SPNS2: variants seen among roughly 807,000 people sequenced by gnomAD.
SPNS2 encodes sphingosine-1-phosphate transporter SPNS2.
In SPNS2, 37 loss-of-function variants were observed where a neutral mutation model predicts 57.6. The ratio of observed to expected loss-of-function variants is 0.64; its 90% confidence interval spans 0.49 to 0.85. SPNS2 has a LOEUF of 0.85. SPNS2 is among the 40% of genes least tolerant of loss of function. The pLI is 0.00. For missense variants in SPNS2, 831 were observed against 779.1 expected (o/e 1.07, Z -0.79); for synonymous variants, 440 against 346.9 (o/e 1.27, Z -2.98).
rs902247679 is a variant in SPNS2 at position 4,511,699 on chromosome 17, C to T, written c.371-1548C>T. 6.6e-6 allele frequency among the ~76,000 whole-genome samples: 1 copy of T among 152,228 alleles called. No homozygotes were observed. Among genetic ancestry groups the T allele is most frequent in the Non-Finnish European group, 1.5e-5 (1 of 68,042 alleles). Reference sequence around the variant, plus strand: ...ATTAAGTCATTAACTGGGCCTCACACAGCCTCTTCATTACGGGTAATTATG... The same window carrying T: ...ATTAAGTCATTAACTGGGCCTCACATAGCCTCTTCATTACGGGTAATTATG... On this transcript the variant is annotated intron_variant, in intron 1 of 12. Coordinates refer to ENST00000329078, the MANE Select transcript of SPNS2 (RefSeq NM_001124758.3). This position sits in a 1 kb window ranked among gnomAD's most constrained non-coding sequence, Gnocchi z 4.6.
intron 1 of SPNS2, among the ~76,000 whole-genome samples, chr17:4,507,487 G>T (rs1052432899): frequency 1.3e-5 from 2 of 152,216 alleles, no homozygotes; most frequent in Non-Finnish European, 2.9e-5. Context: ...CACTGAATGT[G>T]GATTAACCTA....
chr17:4,503,224 G>T (rs561396606), intron 1 of SPNS2, among the ~76,000 whole-genome samples: 1 of 152,266 alleles, frequency 6.6e-6, no homozygotes, highest in Non-Finnish European at 1.5e-5. Flanking sequence ...GCCCCAGGTG[G>T]AGGTAGGGGC....
rs780176511 is a variant in SPNS2 at position 4,525,156 on chromosome 17, C to T, written c.536C>T (p.Ser179Leu). The change falls in exon 3 of 13, where the codon TCG (serine) becomes TTG (leucine). Residue 179 changes from serine (S) to leucine (L), a missense_variant. Transcript: ENST00000329078. ...VILSCGIFFW[S>L]AVTFSSSFIP... ...CTCAGCTGCGGCATTTTCTTCTGGT[C>T]GGCCGTCACCTTCTCCAGCTCCTTC... 1.9e-6 allele frequency: 3 copies of T among 1,614,044 alleles called. No homozygotes were observed. The highest frequency in any genetic ancestry group is 1.7e-5 in the Admixed American group (1 of 60,010).
intron 2 of SPNS2, among the ~76,000 whole-genome samples, chr17:4,519,887 C>A (rs111625542): frequency 3.7e-4 from 56 of 152,318 alleles, no homozygotes; most frequent in African/African-American, 1.3e-3. Context: ...ATTCTCTCAG[C>A]CCCCTCCCCG....
intron 1 of SPNS2, among the ~76,000 whole-genome samples, chr17:4,502,570 G>C (rs567197356): frequency 6.6e-6 from 1 of 152,110 alleles, no homozygotes; most frequent in African/African-American, 2.4e-5. Flanking sequence ...GCCAGAGTTC[G>C]AGCCAAGGCT....
At chr17:4,518,390 G>GGCGGGTGCCTGTAATCCCGCTAC (rs1223788925) in intron 2 of SPNS2, among the ~76,000 whole-genome samples, 1 of 152,238 alleles carries the variant, frequency 6.6e-6, no homozygotes, top group Non-Finnish European at 1.5e-5. Flanking sequence ...CGGGTGTGGT[G>GGCGGGTGCCTGTAATCCCGCTAC]GCGGGTGCCT....
At chr17:4,535,185 G>A (rs916284700) in intron 9 of SPNS2, among the ~76,000 whole-genome samples, 1 of 152,078 alleles carries the variant, frequency 6.6e-6, no homozygotes. Context: ...AGCCCCTCCT[G>A]TCTGACTCTG....
At chr17:4,523,058 C>T (rs1231967453) in intron 2 of SPNS2, among the ~76,000 whole-genome samples, 1 of 152,268 alleles carries the variant, frequency 6.6e-6, no homozygotes, top group African/African-American at 2.4e-5. Flanking sequence ...GGCCTAGGCA[C>T]TTGCTGTTCT....
chr17:4,517,551 G>A (rs1483625944), intron 2 of SPNS2, among the ~76,000 whole-genome samples: 1 of 152,152 alleles, frequency 6.6e-6, no homozygotes, highest in African/African-American at 2.4e-5. Flanking sequence ...AGCTACTCAG[G>A]AGGCTGAGGC....
chr17:4,527,088 C>G (rs1036218517), intron 3 of SPNS2, among the ~76,000 whole-genome samples: 1 of 152,186 alleles, frequency 6.6e-6, no homozygotes, highest in African/African-American at 2.4e-5. Flanking sequence ...TGGAAGGAGA[C>G]AGAAGATAAG....
chr17:4,526,619 AAAAG>A lies in SPNS2; in HGVS notation c.573+1436_573+1439del, dbSNP rs577421751. Among the ~76,000 whole-genome samples the A allele has an allele frequency of 3.4e-3, 522 of 152,144 alleles. 2 individuals are homozygous for A. Among genetic ancestry groups the A allele is most frequent in the African/African-American group, 0.012 (489 of 41,524 alleles). Reference sequence around the variant, plus strand: ...ACTCCATCTCAAAAAAAAAAAAAGAAAAAGAAAGAAAGATTGAGGATTGCATTTT... The same window carrying A: ...ACTCCATCTCAAAAAAAAAAAAAGAAAAAGAAAGATTGAGGATTGCATTTT... On this transcript the variant is annotated intron_variant, in intron 3 of 12. Transcript: ENST00000329078.
intron 2 of SPNS2, among the ~76,000 whole-genome samples, chr17:4,517,201 C>T (rs537321840): frequency 1.3e-5 from 2 of 152,318 alleles, no homozygotes; most frequent in East Asian, 3.9e-4. Flanking sequence ...GCCCCTGCTC[C>T]GTACAGGCCT....
chr17:4,514,991 C>T (rs904468626), intron 2 of SPNS2, among the ~76,000 whole-genome samples: 4 of 152,198 alleles, frequency 2.6e-5, no homozygotes, highest in Admixed American at 6.5e-5. Flanking sequence ...CTCTACCCCA[C>T]GCATCCTCCA....
intron 3 of SPNS2, among the ~76,000 whole-genome samples, chr17:4,528,689 C>T (rs960111716): frequency 2.0e-5 from 3 of 152,128 alleles, no homozygotes; most frequent in Non-Finnish European, 4.4e-5. Flanking sequence ...GTTGGCCAGG[C>T]TGGTCTCGAA....
At position 4,499,073 on chromosome 17, in the gene SPNS2, C is replaced by A. The variant is rs1904364529; in HGVS notation, c.26C>A (p.Ala9Glu). Residue 9 changes from alanine (A) to glutamate (E), a missense_variant, in exon 1 of 13, where the codon GCG becomes GAG. Ala to Glu is a moderately radical substitution (Grantham distance 107). Around this residue, in one of 2 missense-constraint regions of SPNS2, gnomAD observed 305 missense variants for 378.3 expected, o/e 0.81. Transcript: ENST00000329078. The surrounding 1 kb of genome is among the most constrained non-coding windows in gnomAD (Gnocchi z 5.2). MMCLECAS[A>E]AAGGAEEEEA... ...ATGATGTGCCTGGAATGCGCCTCGG[C>A]GGCGGCGGGCGGCGCGGAGGAGGAG... The A allele has an allele frequency of 8.8e-6, 9 of 1,025,024 alleles. No individual in the cohort carries two copies. Among genetic ancestry groups the A allele is most frequent in the Non-Finnish European group, 1.0e-5 (9 of 858,156 alleles). The allele number at this position is 1,025,024 out of a possible 1,614,324, so 63.5% of individuals were successfully genotyped here. A position where few individuals can be genotyped will look rare whatever the true frequency, so the allele number is the denominator to read the frequency against.
At chr17:4,536,806 G>C in intron 11 of SPNS2, 94 bp from the exon 12 acceptor site, 4 of 1,060,336 alleles carry the variant, frequency 3.8e-6, no homozygotes, top group Non-Finnish European at 5.8e-6. Context: ...AGCACCTCCG[G>C]TCAGCTGGCC....
intron 10 of SPNS2, 26 bp downstream of exon 10, chr17:4,536,200 C>T (rs752005628): frequency 1.3e-5 from 20 of 1,585,180 alleles, no homozygotes; most frequent in Non-Finnish European, 1.5e-5. Flanking sequence ...GTGGGGCTGG[C>T]CAGGGCAGGC....
chr17:4,499,518 T>G lies in SPNS2; in HGVS notation c.370+101T>G. The stretch of plus-strand genomic sequence containing the variant: ...AGAGAGCTTTTGGTCTCAGGCCTGC[T>G]ATCTCCAGGCCCTACGTGAGGTCCC... On this transcript the variant is annotated intron_variant, in intron 1 of 12. Coordinates refer to ENST00000329078, the MANE Select transcript of SPNS2 (RefSeq NM_001124758.3). The surrounding 1 kb of genome is among the most constrained non-coding windows in gnomAD (Gnocchi z 5.2). The G allele has an allele frequency of 3.8e-5, 27 of 702,792 alleles. No individual in the cohort carries two copies. The highest frequency in any genetic ancestry group is 1.2e-4 in the South Asian group (4 of 34,504). 43.5% of individuals were successfully genotyped at this position (702,792 alleles called of 1,614,324 possible).
chr17:4,531,844 G>A (rs978032886), intron 5 of SPNS2, among the ~76,000 whole-genome samples: 3 of 152,090 alleles, frequency 2.0e-5, no homozygotes, highest in Admixed American at 6.5e-5. Flanking sequence ...AGAAGCCTGG[G>A]GCCTTGGAGG....
Sources: gnomAD v4.1 joint callset for allele counts (sites outside exome capture counted in the v4.1 genomes callset) on GRCh38, gnomAD v4.1.1 for gene constraint, gnomAD v4.1.1 regional missense constraint, Gnocchi (gnomAD v3.1) non-coding constraint, MANE v1.5 for transcripts, NCBI Gene and HGNC (gene_info 2026-07-23, HGNC 2026-07-21) for gene names.